PLCH1: variants seen among roughly 807,000 people sequenced by gnomAD.
The protein encoded by PLCH1 is 1-phosphatidylinositol 4,5-bisphosphate phosphodiesterase eta-1.
In PLCH1, 60 loss-of-function variants were observed where a neutral mutation model predicts 126.7. That is an observed-to-expected ratio of 0.47 (90% CI 0.38 to 0.59). The LOEUF is 0.59. Among genes scored for constraint, PLCH1 ranks in the 20% least tolerant of loss-of-function variants. PLCH1 has a pLI of 0.00. For missense variants in PLCH1, 1,723 were observed against 2,040.0 expected, an observed-to-expected ratio of 0.84 and a Z score of 2.99; for synonymous variants, 719 against 734.9, an observed-to-expected ratio of 0.98 and a Z score of 0.35.
intron 18 of PLCH1, among the ~76,000 whole-genome samples, chr3:155,492,467 T>C (rs1716368931): frequency 6.6e-6 from 1 of 152,196 alleles, no homozygotes; most frequent in South Asian, 2.1e-4. Flanking sequence ...ATAATTGTCT[T>C]TGCACTCCAA....
intron 10 of PLCH1, among the ~76,000 whole-genome samples, chr3:155,525,900 G>C (rs1486883080): frequency 6.6e-6 from 1 of 152,174 alleles, no homozygotes; most frequent in East Asian, 1.9e-4. Context: ...ACAGTACTAT[G>C]AGGGAAATTT....
chr3:155,582,860 A>G (rs1260856843), intron 6 of PLCH1, among the ~76,000 whole-genome samples: 9 of 152,104 alleles, frequency 5.9e-5, no homozygotes, highest in Non-Finnish European at 7.4e-5. Context: ...TTTGCTGACC[A>G]TAATTCAGCC....
chr3:155,616,812 C>T (rs1460812237), intron 2 of PLCH1, among the ~76,000 whole-genome samples: 1 of 152,014 alleles, frequency 6.6e-6, no homozygotes, highest in East Asian at 1.9e-4. Flanking sequence ...ATCACTTTGG[C>T]TAAATAAATA....
At chr3:155,501,577 G>A (rs1317396545) in intron 13 of PLCH1, among the ~76,000 whole-genome samples, 1 of 152,152 alleles carries the variant, frequency 6.6e-6, no homozygotes, top group African/African-American at 2.4e-5. Flanking sequence ...TGGATCACCT[G>A]AGGTCACAAG....
chr3:155,636,291 A>T (rs73005098), intron 2 of PLCH1, among the ~76,000 whole-genome samples: 2,658 of 152,198 alleles, frequency 0.017, 79 homozygotes, highest in African/African-American at 0.061. Context: ...AAAAAGGGAA[A>T]ATGTAGTCAA....
chr3:155,593,335 G>C (rs1216038444), intron 4 of PLCH1, among the ~76,000 whole-genome samples: 1 of 152,150 alleles, frequency 6.6e-6, no homozygotes, highest in African/African-American at 2.4e-5. Context: ...AGGACCACAA[G>C]CATGGGTTTA....
rs1560046981 is a variant in PLCH1 at position 155,482,889 on chromosome 3, T to C, written c.3137A>G (p.Glu1046Gly). 3 of 1,614,212 alleles carry C rather than the reference T, an allele frequency of 1.9e-6. No individual in the cohort carries two copies. Among genetic ancestry groups the C allele is most frequent in the Non-Finnish European group, 2.5e-6 (3 of 1,180,030 alleles). Residue 1046 changes from glutamate (E) to glycine (G), a missense_variant, in exon 23 of 23, where the codon GAA (glutamate) becomes GGA (glycine). Transcript: ENST00000460012. ...VSTAHMSVTG[E>G]QLGMSSPRGG... ...CCTAGGACTTGACATGCCCAGCTGTTCTCCTGTGACTGACATGTGGGCAGT... is the reference window on the plus strand; with the variant it reads ...CCTAGGACTTGACATGCCCAGCTGTCCTCCTGTGACTGACATGTGGGCAGT...
chr3:155,634,885 G>T (rs4680205), intron 2 of PLCH1, among the ~76,000 whole-genome samples: 74,942 of 151,982 alleles, frequency 0.49, 20,841 homozygotes, highest in African/African-American at 0.74. Context: ...CTTTGACTTG[G>T]CTATACAGTT....
intron 2 of PLCH1, among the ~76,000 whole-genome samples, chr3:155,683,253 C>T (rs1444635353): frequency 6.6e-6 from 1 of 152,120 alleles, no homozygotes; most frequent in African/African-American, 2.4e-5. Flanking sequence ...CTTCGAGACT[C>T]TTGGTTTTCA....
intron 2 of PLCH1, among the ~76,000 whole-genome samples, chr3:155,689,729 A>G (rs1316004780): frequency 6.6e-6 from 1 of 152,068 alleles, no homozygotes; most frequent in Non-Finnish European, 1.5e-5. Flanking sequence ...ACATAGTCAG[A>G]GGAGAAAAAC....
chr3:155,551,539 G>C (rs956073511), intron 9 of PLCH1, among the ~76,000 whole-genome samples: 1 of 147,632 alleles, frequency 6.8e-6, no homozygotes, highest in African/African-American at 2.5e-5. Context: ...AGGGAACGAG[G>C]CAATTATTCC....
chr3:155,528,773 A>C (rs962574957), intron 10 of PLCH1, among the ~76,000 whole-genome samples: 1 of 152,218 alleles, frequency 6.6e-6, no homozygotes, highest in African/African-American at 2.4e-5. Context: ...TGAGCAGGTA[A>C]GGACACAGAA....
intron 2 of PLCH1, among the ~76,000 whole-genome samples, chr3:155,695,485 C>CA (rs1745723570): frequency 6.6e-6 from 1 of 152,144 alleles, no homozygotes; most frequent in Non-Finnish European, 1.5e-5. Context: ...ACAGAGAGTG[C>CA]AAAAATAGTG....
At position 155,481,618 on chromosome 3, in the gene PLCH1, G is replaced by A. The variant is rs1440561038; in HGVS notation, c.4408C>T (p.His1470Tyr). The change falls in exon 23 of 23, where the codon CAT becomes TAT. Residue 1470 changes from histidine (H) to tyrosine (Y), a missense_variant. Physicochemically the swap from His to Tyr is moderately conservative, Grantham distance 83. This residue lies in a region of PLCH1 where 947 missense variants were observed against 977.1 expected (regional missense o/e 0.97). Coordinates refer to ENST00000460012, the MANE Select transcript of PLCH1 (RefSeq NM_014996.4). The surrounding 1 kb of genome is among the most constrained non-coding windows in gnomAD (Gnocchi z 4.2). ...AGTTTCAGAGCAGGCAAAGGAAGAT[G>A]TGCCAACTGCTTGGGTACAGGGACA... ...MHVPVPKQLA[H>Y]LPLPALKLPS... The A allele has an allele frequency of 1.2e-6, 2 of 1,614,164 alleles. No individual in the cohort carries two copies. Among genetic ancestry groups the A allele is most frequent in the African/African-American group, 1.3e-5 (1 of 75,054 alleles).
intron 10 of PLCH1, among the ~76,000 whole-genome samples, chr3:155,535,962 A>G (rs1723297740): frequency 6.6e-6 from 1 of 152,204 alleles, no homozygotes; most frequent in Non-Finnish European, 1.5e-5. Flanking sequence ...ACAGGTCTCC[A>G]TGGCTGAGAG....
chr3:155,650,717 CTA>C (rs1257358522), intron 2 of PLCH1, among the ~76,000 whole-genome samples: 8 of 152,226 alleles, frequency 5.3e-5, no homozygotes, highest in South Asian at 4.1e-4. Context: ...AGGATATAGA[CTA>C]TGTGTAGAAG....
chr3:155,725,701 A>C (rs939767879), intron 1 of PLCH1, among the ~76,000 whole-genome samples: 1 of 152,062 alleles, frequency 6.6e-6, no homozygotes, highest in Non-Finnish European at 1.5e-5. Context: ...CAGCCTCCCA[A>C]AGTACAGGGA....
At chr3:155,685,908 G>T (rs965958698) in intron 2 of PLCH1, among the ~76,000 whole-genome samples, 1 of 152,112 alleles carries the variant, frequency 6.6e-6, no homozygotes. Flanking sequence ...AACTTGGTAG[G>T]ATTTACAAAA....
At chr3:155,487,515 C>T (rs948094854) in intron 21 of PLCH1, among the ~76,000 whole-genome samples, 2 of 152,156 alleles carry the variant, frequency 1.3e-5, no homozygotes, top group African/African-American at 2.4e-5. Context: ...TTTACATGGT[C>T]GCCTTTTCAG....
Sources: allele counts gnomAD v4.1 joint callset (sites outside exome capture counted in the v4.1 genomes callset), GRCh38; gene constraint gnomAD v4.1.1; regional missense constraint gnomAD v4.1.1; non-coding constraint Gnocchi (gnomAD v3.1); transcripts MANE v1.5; gene names NCBI Gene and HGNC (gene_info 2026-07-23, HGNC 2026-07-21).